Variants in BRD4 observed in about 807,000 individuals in gnomAD.
BRD4 encodes the protein bromodomain containing 4.
Under a neutral mutation model 142.1 loss-of-function variants are expected in BRD4, and 16 were observed. The ratio of observed to expected loss-of-function variants is 0.11; its 90% CI spans 0.08 to 0.17. BRD4 has a LOEUF of 0.17. Among genes scored for constraint, BRD4 ranks in the 10% least tolerant of loss-of-function variants. The pLI, the probability that BRD4 is intolerant of heterozygous loss-of-function variation, is 1.00. For missense variants in BRD4, 1,424 were observed against 1,810.9 expected (o/e 0.79, Z 3.88); for synonymous variants, 833 against 707.5 (o/e 1.18, Z -2.82).
At chr19:15,280,322 G>T in intron 1 of BRD4, 2 of 1,012,944 alleles carry the variant, frequency 2.0e-6, no homozygotes, top group Non-Finnish European at 2.4e-6. Flanking sequence ...ACGGGTCTTT[G>T]GCTTGGCCAG....
chr19:15,315,930 C>T lies in BRD4; in HGVS notation c.-35+16360G>A, dbSNP rs192796898. 1.1e-3 allele frequency among the ~76,000 whole-genome samples: 168 copies of T among 150,736 alleles called. 1 individual carries two copies. The highest frequency in any genetic ancestry group is 3.9e-3 in the African/African-American group (159 of 41,030). ...TAGCACTTTGGGAGGCCGAGGCGGG[C>T]GGATCACGAGGTCAGGAGATCAAGA... On this transcript the variant is annotated intron_variant, in intron 1 of 19. Transcript: ENST00000679869.
chr19:15,237,307 A>G lies in BRD4; in HGVS notation c.*1070T>C. On this transcript the variant is annotated 3_prime_UTR_variant, in exon 20 of 20. Transcript: ENST00000679869. ...GTAGCTTTCTGGTTTTATAATTAAAAATAGACTAATAAAGTTTGAAACTGA... is the reference window on the plus strand; with the variant it reads ...GTAGCTTTCTGGTTTTATAATTAAAGATAGACTAATAAAGTTTGAAACTGA... 4.6e-6 allele frequency: 1 copy of G among 219,638 alleles called. No individual in the cohort carries two copies. Among genetic ancestry groups the G allele is most frequent in the Non-Finnish European group, 9.1e-6 (1 of 109,772 alleles). 13.6% of individuals were successfully genotyped at this position (219,638 alleles called of 1,614,324 possible).
At chr19:15,315,611 T>C (rs1454566992) in intron 1 of BRD4, among the ~76,000 whole-genome samples, 3 of 152,158 alleles carry the variant, frequency 2.0e-5, no homozygotes, top group East Asian at 3.9e-4. Context: ...TCCCAGCATG[T>C]TGGGAGGACC....
chr19:15,300,725 T>C (rs757257510), intron 1 of BRD4, among the ~76,000 whole-genome samples: 17 of 151,802 alleles, frequency 1.1e-4, no homozygotes, highest in Non-Finnish European at 2.4e-4. Context: ...GCCACACTGA[T>C]ACCACTGCAA....
In BRD4 at chr19:15,257,183, G is replaced by C. The variant is rs2047420168; in HGVS notation, c.1342-10C>G. 5 of 1,596,246 alleles carry C rather than the reference G, an allele frequency of 3.1e-6. No individual in the cohort carries two copies. The East Asian group carries it at 9.0e-5, about 29-fold the overall frequency. On this transcript the variant is annotated splice_polypyrimidine_tract_variant and intron_variant, in intron 7 of 19. Coordinates refer to ENST00000679869, the MANE Select transcript of BRD4 (RefSeq NM_001379291.1). ...GCATTTCGAACACATCCTGGTGAGG[G>C]AAAGACATGCTGTGACGGCTGCTGG...
chr19:15,264,107 G>C, intron 6 of BRD4: 1 of 363,186 alleles, frequency 2.8e-6, no homozygotes, highest in South Asian at 5.5e-5. Flanking sequence ...TCTACTGTGT[G>C]GGCAAGGTAC....
intron 1 of BRD4, among the ~76,000 whole-genome samples, chr19:15,329,617 T>TG (rs1260416233): frequency 6.6e-6 from 1 of 152,070 alleles, no homozygotes; most frequent in Non-Finnish European, 1.5e-5. Flanking sequence ...CGCGTGCCTG[T>TG]AATCCCAGCT....
intron 1 of BRD4, among the ~76,000 whole-genome samples, chr19:15,303,980 G>A (rs1415154436): frequency 6.6e-6 from 1 of 152,128 alleles, no homozygotes; most frequent in Non-Finnish European, 1.5e-5. Context: ...CAAAGCACTT[G>A]CTCTCACATT....
intron 1 of BRD4, among the ~76,000 whole-genome samples, chr19:15,284,149 G>GA (rs993088928): frequency 3.9e-5 from 6 of 152,022 alleles, no homozygotes; most frequent in African/African-American, 1.4e-4. Flanking sequence ...GAAAGATCTG[G>GA]AAAAAACGTT....
At chr19:15,329,813 T>C (rs1331420089) in intron 1 of BRD4, among the ~76,000 whole-genome samples, 1 of 152,186 alleles carries the variant, frequency 6.6e-6, no homozygotes, top group African/African-American at 2.4e-5. Context: ...ATAACCTGAA[T>C]TGTGAAACAA....
At chr19:15,286,568 G>A (rs943593288) in intron 1 of BRD4, among the ~76,000 whole-genome samples, 1 of 152,144 alleles carries the variant, frequency 6.6e-6, no homozygotes, top group Non-Finnish European at 1.5e-5. Context: ...ATACCATTTC[G>A]ACATATAAAC....
chr19:15,271,377 G>A (rs942942509), intron 2 of BRD4, among the ~76,000 whole-genome samples: 1 of 152,090 alleles, frequency 6.6e-6, no homozygotes, highest in Non-Finnish European at 1.5e-5. Flanking sequence ...GTCTTCCTAA[G>A]GTCACCAATG....
intron 1 of BRD4, among the ~76,000 whole-genome samples, chr19:15,325,662 AAATC>A (rs1487920082): frequency 6.6e-6 from 1 of 152,168 alleles, no homozygotes; most frequent in African/African-American, 2.4e-5. Flanking sequence ...AAAATAAGTT[AAATC>A]AAGTTTTCAA....
chr19:15,237,349 A>AT lies in BRD4; in HGVS notation c.*1027dup, dbSNP rs560131788. 1.4e-5 allele frequency: 3 copies of AT among 215,536 alleles called. No homozygotes were observed. The highest frequency in any genetic ancestry group is 6.7e-5 in the East Asian group (1 of 14,818). 13.4% of individuals were successfully genotyped at this position (215,536 alleles called of 1,614,324 possible). ...TGAAACTGAGTAAAATATAGGCAGGATTTTTTTTGTGTGTTTTGTCTTTTT... is the reference window on the plus strand; with the variant it reads ...TGAAACTGAGTAAAATATAGGCAGGATTTTTTTTTGTGTGTTTTGTCTTTTT... On this transcript the variant is annotated 3_prime_UTR_variant, in exon 20 of 20. Transcript: ENST00000679869.
At chr19:15,308,606 G>C (rs1338485879) in intron 1 of BRD4, among the ~76,000 whole-genome samples, 3 of 150,386 alleles carry the variant, frequency 2.0e-5, no homozygotes, top group Non-Finnish European at 4.4e-5. Context: ...AAAAGTAATA[G>C]TATAAGCTGT....
At chr19:15,322,803 C>G (rs1234342333) in intron 1 of BRD4, among the ~76,000 whole-genome samples, 2 of 145,736 alleles carry the variant, frequency 1.4e-5, no homozygotes, top group East Asian at 4.1e-4. Flanking sequence ...GGAGGCAGAG[C>G]TTGCAGTGAG....
At chr19:15,247,801 C>G in intron 11 of BRD4, 1 of 232,638 alleles carries the variant, frequency 4.3e-6, no homozygotes, top group Non-Finnish European at 8.5e-6. Flanking sequence ...GTTTGGCAAA[C>G]AGAGCTTAAC....
chr19:15,312,969 G>A (rs927652616), intron 1 of BRD4, among the ~76,000 whole-genome samples: 5 of 152,138 alleles, frequency 3.3e-5, no homozygotes, highest in South Asian at 2.1e-4. Flanking sequence ...CTACTCAGGA[G>A]ACTGAGGTGA....
intron 1 of BRD4, among the ~76,000 whole-genome samples, chr19:15,280,768 C>T (rs959402241): frequency 5.9e-5 from 9 of 152,330 alleles, no homozygotes; most frequent in Admixed American, 4.6e-4. Flanking sequence ...CACCTCTCCA[C>T]CGCTCCAAGG....
Sources: gnomAD v4.1 joint callset for allele counts (sites outside exome capture counted in the v4.1 genomes callset) on GRCh38, gnomAD v4.1.1 for gene constraint, MANE v1.5 for transcripts, NCBI Gene and HGNC (gene_info 2026-07-23, HGNC 2026-07-21) for gene names.